SPATS2L: variants seen among roughly 807,000 people sequenced by gnomAD.
SPATS2L encodes the protein SPATS2-like protein.
In SPATS2L, 30 loss-of-function variants were observed where a neutral mutation model predicts 59.6. That is an observed-to-expected ratio of 0.50 (90% CI 0.38 to 0.68). The LOEUF (loss-of-function observed/expected upper bound fraction) is 0.68. Ranked by LOEUF, SPATS2L falls within the 30% of genes least tolerant of loss-of-function variation. The pLI is 0.00. For synonymous variants in SPATS2L, 252 were observed against 263.5 expected, an observed-to-expected ratio of 0.96 and a Z score of 0.42; for missense variants, 615 against 700.0, an observed-to-expected ratio of 0.88 and a Z score of 1.37.
At chr2:200,443,509 T>C (rs1340150166) in intron 8 of SPATS2L, among the ~76,000 whole-genome samples, 1 of 152,150 alleles carries the variant, frequency 6.6e-6, no homozygotes, top group Non-Finnish European at 1.5e-5. Flanking sequence ...ATGCCAGTTC[T>C]GAGAGAGATG....
intron 2 of SPATS2L, among the ~76,000 whole-genome samples, chr2:200,348,617 G>A (rs749234486): frequency 1.3e-5 from 2 of 152,120 alleles, no homozygotes; most frequent in Non-Finnish European, 2.9e-5. Flanking sequence ...TGGAGTGTGA[G>A]CTCTACAGTC....
intron 3 of SPATS2L, among the ~76,000 whole-genome samples, chr2:200,407,124 A>G (rs2082714290): frequency 6.6e-6 from 1 of 152,110 alleles, no homozygotes. Context: ...TTTAAAATCT[A>G]TTGAGTAGCT....
At chr2:200,392,895 T>C (rs550438692) in intron 3 of SPATS2L, among the ~76,000 whole-genome samples, 13 of 152,318 alleles carry the variant, frequency 8.5e-5, no homozygotes, top group Middle Eastern at 3.4e-3. Context: ...CCCCCACACA[T>C]TTGGGTGACC....
Position 200,324,239 on chromosome 2 carries a change from G to A in SPATS2L, c.-72-5192G>A, listed in dbSNP as rs74877517. On this transcript the variant is annotated intron_variant, in intron 1 of 12. Coordinates refer to ENST00000409140, the MANE Select transcript of SPATS2L (RefSeq NM_001100423.2). ...TGGACTATACTGTAGGACCTTGAAG[G>A]TGTTTCAGGCAATTAATGATTGAAA... Among the ~76,000 whole-genome samples the A allele has an allele frequency of 8.7e-3, 1,322 of 152,216 alleles. 11 individuals are homozygous for A. Among genetic ancestry groups the A allele is most frequent in the Non-Finnish European group, 0.013 (887 of 68,022 alleles).
At chr2:200,470,055 A>T (rs753556687) in intron 11 of SPATS2L, 39 bp downstream of exon 11, 2 of 1,510,900 alleles carry the variant, frequency 1.3e-6, no homozygotes, top group Non-Finnish European at 1.8e-6. Flanking sequence ...CTGTGTGAGT[A>T]ACCTTGGTGC....
At chr2:200,337,651 G>A (rs2080186286) in intron 2 of SPATS2L, among the ~76,000 whole-genome samples, 1 of 152,218 alleles carries the variant, frequency 6.6e-6, no homozygotes. Flanking sequence ...TGAAAGGCAT[G>A]TGTGGCTTAC....
chr2:200,350,148 G>A (rs1218818748), intron 2 of SPATS2L, among the ~76,000 whole-genome samples: 4 of 152,272 alleles, frequency 2.6e-5, no homozygotes, highest in South Asian at 2.1e-4. Context: ...GCGTGGCTAC[G>A]GTGAGTGAGG....
chr2:200,438,376 T>A (rs2084449358), intron 6 of SPATS2L, among the ~76,000 whole-genome samples: 1 of 152,182 alleles, frequency 6.6e-6, no homozygotes, highest in African/African-American at 2.4e-5. Flanking sequence ...GGTAGTAAGA[T>A]GTTAAGAGTG....
chr2:200,473,244 C>A (rs375116553), intron 12 of SPATS2L, among the ~76,000 whole-genome samples, 192 bp downstream of exon 12: 95 of 152,326 alleles, frequency 6.2e-4, no homozygotes, highest in African/African-American at 2.0e-3. Context: ...TCGCTCTCAT[C>A]CATGCCTGCC....
At chr2:200,451,515 C>T (rs757125467) in intron 8 of SPATS2L, among the ~76,000 whole-genome samples, 5 of 152,236 alleles carry the variant, frequency 3.3e-5, no homozygotes, top group South Asian at 2.1e-4. Context: ...ATATTGTATT[C>T]CTGCTCCATT....
At chr2:200,459,163 G>A (rs1240001374) in intron 8 of SPATS2L, among the ~76,000 whole-genome samples, 1 of 152,134 alleles carries the variant, frequency 6.6e-6, no homozygotes, top group Non-Finnish European at 1.5e-5. Context: ...ATACCTTTTC[G>A]AAGGACTAAC....
intron 2 of SPATS2L, among the ~76,000 whole-genome samples, chr2:200,357,566 T>G (rs1463931642): frequency 6.6e-6 from 1 of 152,180 alleles, no homozygotes; most frequent in East Asian, 1.9e-4. Flanking sequence ...GATGCCTCTT[T>G]TCTTAGATTA....
chr2:200,392,755 A>G (rs2105933198), intron 3 of SPATS2L, among the ~76,000 whole-genome samples: 1 of 152,210 alleles, frequency 6.6e-6, no homozygotes. Context: ...TGAGCTCTCA[A>G]TCTGTGGGAT....
At position 200,479,416 on chromosome 2, in the gene SPATS2L, C is replaced by G. The variant is rs867623434; in HGVS notation, c.*1385C>G. On this transcript the variant is annotated 3_prime_UTR_variant, in exon 13 of 13. Transcript: ENST00000409140. ...TGCATACCATTGCTGGTAGGCCTGTCTCTTAAACCAATCATGAAAGGGGGG... is the reference window on the plus strand; with the variant it reads ...TGCATACCATTGCTGGTAGGCCTGTGTCTTAAACCAATCATGAAAGGGGGG... 24 of 397,412 alleles carry G rather than the reference C, an allele frequency of 6.0e-5. No individual in the cohort carries two copies. The highest frequency in any genetic ancestry group is 4.1e-4 in the African/African-American group (20 of 48,618). The allele number at this position is 397,412 out of a possible 1,614,324, so 24.6% of individuals were successfully genotyped here.
intron 2 of SPATS2L, among the ~76,000 whole-genome samples, chr2:200,359,929 T>A (rs1028783681): frequency 1.3e-5 from 2 of 152,198 alleles, no homozygotes; most frequent in African/African-American, 2.4e-5. Context: ...TCTAGACCAG[T>A]GGGCTCCAAA....
chr2:200,422,038 A>G (rs551664405), intron 6 of SPATS2L, among the ~76,000 whole-genome samples: 37 of 152,332 alleles, frequency 2.4e-4, no homozygotes, highest in African/African-American at 8.9e-4. Flanking sequence ...GCTGCCTTGA[A>G]AGTTAAGTAC....
intron 1 of SPATS2L, among the ~76,000 whole-genome samples, chr2:200,312,456 A>G (rs1374369758): frequency 6.6e-6 from 1 of 152,258 alleles, no homozygotes; most frequent in Non-Finnish European, 1.5e-5. Context: ...TGAGGAATAC[A>G]GATTTTGGGT....
chr2:200,399,034 T>A (rs972735702), intron 3 of SPATS2L, among the ~76,000 whole-genome samples: 1 of 152,172 alleles, frequency 6.6e-6, no homozygotes, highest in Non-Finnish European at 1.5e-5. Flanking sequence ...TGATTTAGGA[T>A]CAATTATATA....
intron 2 of SPATS2L, among the ~76,000 whole-genome samples, chr2:200,336,535 A>AT (rs2080149102): frequency 6.6e-6 from 1 of 152,220 alleles, no homozygotes; most frequent in Non-Finnish European, 1.5e-5. Context: ...GCAGGTCATC[A>AT]TACCATTAAA....
Sources: gnomAD v4.1 joint callset for allele counts (sites outside exome capture counted in the v4.1 genomes callset) on GRCh38, gnomAD v4.1.1 for gene constraint, MANE v1.5 for transcripts, NCBI Gene and HGNC (gene_info 2026-07-23, HGNC 2026-07-21) for gene names.